The following ITGBL1 variants were observed in gnomAD, a reference collection of about 807,000 sequenced individuals.
ITGBL1 encodes integrin beta-like protein 1.
ITGBL1 carries 51 observed loss-of-function variants against 68.5 expected under a neutral mutation model. The ratio of observed to expected loss-of-function variants is 0.74; its 90% CI spans 0.59 to 0.94. The LOEUF (loss-of-function observed/expected upper bound fraction) is 0.94, where lower values mean the gene tolerates loss of function less well. ITGBL1 is among the 40% of genes least tolerant of loss of function. The probability of loss-of-function intolerance (pLI) is 0.00; values close to 1 mark genes in which losing one functional copy is unlikely to be tolerated. For synonymous variants in ITGBL1, 209 were observed against 227.3 expected (o/e 0.92, Z 0.72); for missense variants, 649 against 647.4 (o/e 1.00, Z -0.03).
chr13:101,467,726 T>A (rs373048055), intron 2 of ITGBL1, among the ~76,000 whole-genome samples: 2 of 152,180 alleles, frequency 1.3e-5, no homozygotes, highest in African/African-American at 4.8e-5. Context: ...GGTTATACGA[T>A]AAAATCAGTC....
At chr13:101,692,535 G>A (rs2139556266) in intron 7 of ITGBL1, 50 bp from the exon 8 acceptor site, 1 of 1,254,182 alleles carries the variant, frequency 8.0e-7, no homozygotes, top group Non-Finnish European at 1.2e-6. Context: ...GAAAGCCTTA[G>A]TGATTCCGGG....
rs1053005621 is a variant in ITGBL1, at chr13:101,714,476, G to C, written c.1318G>C (p.Glu440Gln). ...TGGGAAGTGCATTTGTTCTGCTGAAGAGTGGTATATTTCTGGGGAGTTCTG... is the reference window on the plus strand; with the variant it reads ...TGGGAAGTGCATTTGTTCTGCTGAACAGTGGTATATTTCTGGGGAGTTCTG... ...HCGKCICSAEEWYISGEFCDC... is the reference protein window; with the variant it reads ...HCGKCICSAEQWYISGEFCDC... The change falls in exon 10 of 11, where the codon GAG becomes CAG. Residue 440 changes from glutamate to glutamine, a missense_variant. Physicochemically the swap from Glu to Gln is conservative, Grantham distance 29. Coordinates refer to ENST00000376180, the MANE Select transcript of ITGBL1 (RefSeq NM_004791.3). 2.5e-6 allele frequency: 4 copies of C among 1,612,676 alleles called. No individual in the cohort carries two copies. The highest frequency in any genetic ancestry group is 3.4e-6 in the Non-Finnish European group (4 of 1,178,708).
At chr13:101,456,128 C>A (rs1049197852) in intron 2 of ITGBL1, among the ~76,000 whole-genome samples, 1 of 152,152 alleles carries the variant, frequency 6.6e-6, no homozygotes, top group Admixed American at 6.5e-5. Flanking sequence ...ATACGAAATG[C>A]AGGACTGAGT....
chr13:101,519,167 T>C (rs1594861073), intron 2 of ITGBL1, among the ~76,000 whole-genome samples: 1 of 152,206 alleles, frequency 6.6e-6, no homozygotes, highest in East Asian at 1.9e-4. Context: ...ATAAACCTTT[T>C]TGGGGGTGAT....
At chr13:101,626,511 A>G (rs769222320) in intron 7 of ITGBL1, among the ~76,000 whole-genome samples, 1 of 152,138 alleles carries the variant, frequency 6.6e-6, no homozygotes, top group African/African-American at 2.4e-5. Context: ...TCTTTCATCT[A>G]TCTCTAAAAA....
chr13:101,454,085 G>C lies in ITGBL1; in HGVS notation c.301G>C (p.Gly101Arg). The change falls in exon 2 of 11, where the codon GGG becomes CGG. Residue 101 changes from glycine to arginine, a missense_variant. Physicochemically the swap from Gly to Arg is moderately radical, Grantham distance 125. Transcript: ENST00000376180. Reference protein sequence around the residue: ...CHEWVCETYDGSTCAGHGKCD... With the variant: ...CHEWVCETYDRSTCAGHGKCD... ...TGAGTGGGTGTGCGAGACCTACGAC[G>C]GGAGCACCTGTGCAGGTAAGAGGGC... 6.3e-7 allele frequency: 1 copy of C among 1,575,402 alleles called. No homozygotes were observed.
chr13:101,583,428 A>C (rs2050498164), intron 6 of ITGBL1, 72 bp downstream of exon 6: 5 of 1,198,722 alleles, frequency 4.2e-6, no homozygotes, highest in Admixed American at 2.7e-5. Flanking sequence ...AAAAAAAAAA[A>C]AGCAATTAGA....
chr13:101,528,693 C>T (rs1444158804), intron 2 of ITGBL1, among the ~76,000 whole-genome samples: 1 of 151,864 alleles, frequency 6.6e-6, no homozygotes, highest in Non-Finnish European at 1.5e-5. Context: ...AATGAATGTT[C>T]TGTCAAAGTC....
intron 2 of ITGBL1, among the ~76,000 whole-genome samples, chr13:101,535,828 A>G (rs2049565197): frequency 6.6e-6 from 1 of 152,110 alleles, no homozygotes; most frequent in Non-Finnish European, 1.5e-5. Context: ...TCTTCTTCAT[A>G]ATCATTCTTA....
intron 7 of ITGBL1, among the ~76,000 whole-genome samples, chr13:101,629,617 A>T (rs894017030): frequency 5.9e-5 from 9 of 152,148 alleles, no homozygotes; most frequent in African/African-American, 2.2e-4. Context: ...GGAAATTATT[A>T]GTATAAACTT....
intron 2 of ITGBL1, among the ~76,000 whole-genome samples, chr13:101,469,999 G>A (rs905744836): frequency 2.0e-5 from 3 of 152,156 alleles, no homozygotes; most frequent in African/African-American, 7.2e-5. Context: ...AAATTCAAAA[G>A]GCACTTATTA....
intron 3 of ITGBL1, among the ~76,000 whole-genome samples, chr13:101,569,134 G>T (rs192018681): frequency 6.6e-6 from 1 of 150,638 alleles, no homozygotes; most frequent in Non-Finnish European, 1.5e-5. Flanking sequence ...GCACGCGCGC[G>T]CATGCCCCAT....
rs1416972380 is a variant in ITGBL1, at chr13:101,706,840, T to G, written c.1217T>G (p.Met406Arg). ...KLCQHPRKCN[M>R]TEEQSKNLCE... ...TGCCAACATCCGCGGAAGTGTAACA[T>G]GACGGAAGAACAAAGCAAGAATCTG... The change falls in exon 9 of 11, where the codon ATG (methionine) becomes AGG (arginine). Residue 406 changes from methionine to arginine, a missense_variant. Physicochemically the swap from Met to Arg is moderately conservative, Grantham distance 91 (BLOSUM62 -1). Transcript: ENST00000376180. 1.9e-6 allele frequency: 3 copies of G among 1,614,174 alleles called. No individual in the cohort carries two copies. Among genetic ancestry groups the G allele is most frequent in the South Asian group, 2.2e-5 (2 of 91,082 alleles).
intron 2 of ITGBL1, among the ~76,000 whole-genome samples, chr13:101,543,021 T>A (rs1200348451): frequency 1.3e-5 from 2 of 152,200 alleles, no homozygotes; most frequent in African/African-American, 2.4e-5. Flanking sequence ...AATTTGCCAG[T>A]CTGTGTCTTT....
At chr13:101,604,206 A>G (rs561975042) in intron 7 of ITGBL1, among the ~76,000 whole-genome samples, 4 of 152,032 alleles carry the variant, frequency 2.6e-5, no homozygotes, top group Admixed American at 2.6e-4. Flanking sequence ...AAATTTTTTA[A>G]TATGTAGAAC....
chr13:101,594,307 A>T lies in ITGBL1; in HGVS notation c.869-3846A>T, dbSNP rs532195987. Reference sequence around the variant, plus strand: ...TTTATAGCCAATTGACTTTAAACAAAGATGACAAGAACACACAATAGGGAA... The same window carrying T: ...TTTATAGCCAATTGACTTTAAACAATGATGACAAGAACACACAATAGGGAA... On this transcript the variant is annotated intron_variant, in intron 6 of 10. Transcript: ENST00000376180. Among the ~76,000 whole-genome samples the T allele has an allele frequency of 1.2e-4, 18 of 152,346 alleles. 1 individual carries two copies. The highest frequency in any genetic ancestry group is 4.3e-4 in the African/African-American group (18 of 41,592).
At chr13:101,589,207 C>T (rs899906470) in intron 6 of ITGBL1, among the ~76,000 whole-genome samples, 2 of 152,124 alleles carry the variant, frequency 1.3e-5, no homozygotes, top group African/African-American at 2.4e-5. Context: ...ATACCATTGT[C>T]GATACTATTT....
chr13:101,689,670 A>C (rs2033840236), intron 7 of ITGBL1, among the ~76,000 whole-genome samples: 1 of 152,150 alleles, frequency 6.6e-6, no homozygotes, highest in Admixed American at 6.5e-5. Context: ...CTCTGTCTGC[A>C]ATAAATTAGC....
chr13:101,650,763 CT>C, intron 7 of ITGBL1, among the ~76,000 whole-genome samples: 1 of 152,062 alleles, frequency 6.6e-6, no homozygotes, highest in South Asian at 2.1e-4. Context: ...CACCCATTAG[CT>C]TTTCTTCCTG....
Sources: allele counts gnomAD v4.1 joint callset (sites outside exome capture counted in the v4.1 genomes callset), GRCh38; gene constraint gnomAD v4.1.1; transcripts MANE v1.5; gene names NCBI Gene and HGNC (gene_info 2026-07-23, HGNC 2026-07-21).